The following MARCHF1 variants were observed in gnomAD, a reference collection of about 807,000 sequenced individuals.
The protein encoded by MARCHF1 is E3 ubiquitin-protein ligase MARCHF1.
In MARCHF1, 40 loss-of-function variants were observed where a neutral mutation model predicts 54.2. The observed-to-expected ratio is 0.74, with a 90% CI of 0.57 to 0.96. The LOEUF is 0.96. Among genes scored for constraint, MARCHF1 ranks in the 40% least tolerant of loss-of-function variants. The pLI is 0.00. For missense variants in MARCHF1, 586 were observed against 656.5 expected, an observed-to-expected ratio of 0.89 and a Z score of 1.17; for synonymous variants, 236 against 236.3, an observed-to-expected ratio of 1.00 and a Z score of 0.01.
At chr4:163,669,257 T>C (rs537117010) in intron 5 of MARCHF1, among the ~76,000 whole-genome samples, 19 of 152,290 alleles carry the variant, frequency 1.2e-4, no homozygotes, top group African/African-American at 4.3e-4. Context: ...TGACCTTTTA[T>C]TAGTAAGAGT....
At chr4:163,703,145 A>T (rs1744855711) in intron 4 of MARCHF1, among the ~76,000 whole-genome samples, 1 of 152,140 alleles carries the variant, frequency 6.6e-6, no homozygotes, top group Admixed American at 6.6e-5. Flanking sequence ...AAGTTATGAT[A>T]TTTCCATTAT....
At chr4:163,676,830 GA>G (rs923717907) in intron 5 of MARCHF1, among the ~76,000 whole-genome samples, 1 of 151,658 alleles carries the variant, frequency 6.6e-6, no homozygotes. Flanking sequence ...AAGCAAGAGA[GA>G]AAAAATTAAG....
chr4:163,883,268 A>AT (rs1440866947), intron 3 of MARCHF1, among the ~76,000 whole-genome samples: 2 of 151,446 alleles, frequency 1.3e-5, no homozygotes, highest in Non-Finnish European at 2.9e-5. Flanking sequence ...TGAGAGAGAG[A>AT]GAGAGAGAGA....
intron 4 of MARCHF1, among the ~76,000 whole-genome samples, chr4:163,717,659 T>C (rs1332850759): frequency 3.9e-5 from 6 of 152,208 alleles, no homozygotes; most frequent in African/African-American, 1.2e-4. Flanking sequence ...CCAGCACCTG[T>C]TGTTTCCTGA....
intron 4 of MARCHF1, among the ~76,000 whole-genome samples, chr4:163,727,613 A>AT (rs35502326): frequency 0.38 from 56,341 of 146,794 alleles, 11,305 homozygotes; most frequent in Non-Finnish European, 0.46. Flanking sequence ...CCCTAAATTA[A>AT]TTTTTTTTTT....
chr4:163,742,591 C>T (rs111340594), intron 4 of MARCHF1, among the ~76,000 whole-genome samples: 1 of 152,028 alleles, frequency 6.6e-6, no homozygotes, highest in Admixed American at 6.6e-5. Flanking sequence ...ATCCTCTTGC[C>T]TCAGCCTCCT....
intron 1 of MARCHF1, among the ~76,000 whole-genome samples, chr4:164,146,312 GAA>G (rs899769601): frequency 1.2e-4 from 18 of 148,170 alleles, no homozygotes; most frequent in Non-Finnish European, 2.7e-4. Context: ...CACAGAATTG[GAA>G]AAAACTACTT....
intron 1 of MARCHF1, among the ~76,000 whole-genome samples, chr4:164,207,099 A>G (rs578121989): frequency 2.6e-5 from 4 of 152,300 alleles, no homozygotes; most frequent in Admixed American, 2.6e-4. Flanking sequence ...TCTTTTCCTC[A>G]TTGATATTTT....
Position 164,350,868 on chromosome 4 carries a change from G to A in MARCHF1, c.-323+33002C>T, listed in dbSNP as rs192757562. On this transcript the variant is annotated intron_variant, in intron 1 of 9. Transcript: ENST00000514618. ...CTGAGGTACCGCATTCATCTCACTA[G>A]GGAGTGCCAGACAGTGGGCGCAGGC... Among the ~76,000 whole-genome samples, 527 of 152,090 alleles carry A rather than the reference G, an allele frequency of 3.5e-3. 2 individuals carry two copies. The highest frequency in any genetic ancestry group is 6.2e-3 in the Non-Finnish European group (421 of 67,934).
At chr4:164,332,852 GC>G (rs1461055177) in intron 1 of MARCHF1, among the ~76,000 whole-genome samples, 2 of 152,008 alleles carry the variant, frequency 1.3e-5, no homozygotes, top group Non-Finnish European at 2.9e-5. Flanking sequence ...TATATAAGCT[GC>G]CTATATACTT....
intron 1 of MARCHF1, among the ~76,000 whole-genome samples, chr4:164,165,536 T>G (rs551618016): frequency 6.6e-6 from 1 of 152,092 alleles, no homozygotes; most frequent in Non-Finnish European, 1.5e-5. Context: ...AAATTTCTGT[T>G]GTTTAAGCCG....
At chr4:163,796,660 A>G (rs78116174) in intron 4 of MARCHF1, among the ~76,000 whole-genome samples, 3,143 of 152,086 alleles carry the variant, frequency 0.021, 47 homozygotes, top group Non-Finnish European at 0.032. Flanking sequence ...ATCAATTATG[A>G]TTATTTTGGA....
intron 4 of MARCHF1, among the ~76,000 whole-genome samples, chr4:163,746,162 A>T (rs10026072): frequency 0.032 from 4,917 of 152,250 alleles, 172 homozygotes; most frequent in African/African-American, 0.086. Context: ...TGCTCTGCCT[A>T]TTCTTTCTTC....
At chr4:163,534,032 T>G (rs1738449346) in intron 9 of MARCHF1, among the ~76,000 whole-genome samples, 1 of 152,038 alleles carries the variant, frequency 6.6e-6, no homozygotes, top group Non-Finnish European at 1.5e-5. Flanking sequence ...TCCAAAGTCC[T>G]ATCTGGGTAG....
chr4:163,787,938 C>T (rs1237553241), intron 4 of MARCHF1, among the ~76,000 whole-genome samples: 4 of 151,794 alleles, frequency 2.6e-5, no homozygotes, highest in Non-Finnish European at 5.9e-5. Context: ...CATGGAAGAC[C>T]CTCAAGGACA....
chr4:164,132,658 T>G (rs1328875598), intron 1 of MARCHF1, among the ~76,000 whole-genome samples: 2 of 152,246 alleles, frequency 1.3e-5, no homozygotes, highest in East Asian at 3.9e-4. Flanking sequence ...CCACTGACCA[T>G]CGACATAATG....
intron 8 of MARCHF1, among the ~76,000 whole-genome samples, chr4:163,573,482 T>G (rs1739916993): frequency 1.0e-5 from 1 of 98,770 alleles, no homozygotes; most frequent in Non-Finnish European, 1.8e-5. Context: ...CCCACAACAG[T>G]CCCCAGAGTG....
At chr4:163,560,636 T>C (rs1739438665) in intron 8 of MARCHF1, among the ~76,000 whole-genome samples, 1 of 152,174 alleles carries the variant, frequency 6.6e-6, no homozygotes, top group East Asian at 1.9e-4. Flanking sequence ...TTCACAATAT[T>C]GAGTCTTCCA....
At position 164,162,848 on chromosome 4, in the gene MARCHF1, G is replaced by A. The variant is rs185993213; in HGVS notation, c.-322-51186C>T. 7.8e-4 allele frequency among the ~76,000 whole-genome samples: 119 copies of A among 152,126 alleles called. 1 individual carries two copies. Among genetic ancestry groups the A allele is most frequent in the Non-Finnish European group, 1.3e-3 (88 of 67,990 alleles). ...CGAAATTATGAAAAAAGAGCAGGAC[G>A]TATATGAAAACAAATATGATTAAAG... On this transcript the variant is annotated intron_variant, in intron 1 of 9. Transcript: ENST00000514618.
Sources: gnomAD v4.1 joint callset for allele counts (sites outside exome capture counted in the v4.1 genomes callset) on GRCh38, gnomAD v4.1.1 for gene constraint, MANE v1.5 for transcripts, NCBI Gene and HGNC (gene_info 2026-07-23, HGNC 2026-07-21) for gene names.